Variants in MIEF1 observed in about 807,000 individuals in gnomAD.
The protein encoded by MIEF1 is mitochondrial dynamics protein MIEF1.
In MIEF1, 14 loss-of-function variants were observed where a neutral mutation model predicts 35.1. The ratio of observed to expected loss-of-function variants is 0.40; its 90% CI spans 0.26 to 0.62. The LOEUF (loss-of-function observed/expected upper bound fraction) is 0.62. Ranked by LOEUF, MIEF1 falls within the 20% of genes least tolerant of loss-of-function variation. The probability of loss-of-function intolerance (pLI) is 0.43; values close to 1 mark genes in which losing one functional copy is unlikely to be tolerated. For synonymous variants in MIEF1, 245 were observed against 254.3 expected (o/e 0.96, Z 0.35); for missense variants, 542 against 615.4 (o/e 0.88, Z 1.26).
chr22:39,511,267 G>A (rs770756336), intron 2 of MIEF1, 21 bp from the exon 3 acceptor site: 16 of 1,612,992 alleles, frequency 9.9e-6, no homozygotes, highest in African/African-American at 6.7e-5. Flanking sequence ...ACTTATGGCC[G>A]TGTTCTGTCT....
At position 39,515,127 on chromosome 22, in the gene MIEF1, C is replaced by T. The variant is rs926514713; in HGVS notation, c.*804C>T. 6.4e-6 allele frequency: 4 copies of T among 628,662 alleles called. No homozygotes were observed. The highest frequency in any genetic ancestry group is 1.2e-5 in the Non-Finnish European group (4 of 342,802). The allele number at this position is 628,662 out of a possible 1,614,324, so 38.9% of individuals were successfully genotyped here. On this transcript the variant is annotated 3_prime_UTR_variant, in exon 6 of 6. Coordinates refer to ENST00000325301, the MANE Select transcript of MIEF1 (RefSeq NM_019008.6). ...TGTGTGCCCAGTGTCTGCTCGTCAT[C>T]TGTGGCTGCAGGGGTCAGACAGACA...
Position 39,514,042 on chromosome 22 carries a change from T to C in MIEF1, c.1111T>C (p.Cys371Arg), listed in dbSNP as rs769902754. 3.1e-6 allele frequency: 5 copies of C among 1,613,910 alleles called. No individual in the cohort carries two copies. Among genetic ancestry groups the C allele is most frequent in the Non-Finnish European group, 4.2e-6 (5 of 1,180,038 alleles). ...GTGCCTCAAGATCCTCAAGGCCATATGCAAGTCCACCCCGGCTCTGGGCCA... is the reference window on the plus strand; with the variant it reads ...GTGCCTCAAGATCCTCAAGGCCATACGCAAGTCCACCCCGGCTCTGGGCCA... The part of the protein sequence containing the change: ...SLCLKILKAI[C>R]KSTPALGHLT... The change falls in exon 6 of 6, where the codon TGC becomes CGC. Residue 371 changes from cysteine to arginine, a missense_variant. Transcript: ENST00000325301.
chr22:39,509,762 T>C (rs1306210237), intron 2 of MIEF1, among the ~76,000 whole-genome samples: 1 of 152,230 alleles, frequency 6.6e-6, no homozygotes, highest in Non-Finnish European at 1.5e-5. Flanking sequence ...GGAGGGTCCA[T>C]GGAGGGACCT....
In MIEF1 at chr22:39,513,537, C is replaced by T. The variant is rs756599818; in HGVS notation, c.606C>T (p.Ile202=). Residue 202 remains isoleucine, a synonymous_variant, in exon 6 of 6, where the codon ATC becomes ATT. Transcript: ENST00000325301. ...DDLQVVTADH[I]QLIVPLVLEQ... is the part of the protein sequence containing the mutation. ...GACAGGTGGTGACAGCTGACCACATCCAACTCATTGTGCCCCTTGTGCTGG... is the reference window on the plus strand; with the variant it reads ...GACAGGTGGTGACAGCTGACCACATTCAACTCATTGTGCCCCTTGTGCTGG... 6 of 1,614,126 alleles carry T rather than the reference C, an allele frequency of 3.7e-6. No individual in the cohort carries two copies. The highest frequency in any genetic ancestry group is 1.3e-5 in the African/African-American group (1 of 75,052).
Position 39,514,129 on chromosome 22 carries a change from T to G in MIEF1, c.1198T>G (p.Ser400Ala). Reference protein sequence around the residue: ...LHLAQEEADWSPDMLADRFLQ... With the variant: ...LHLAQEEADWAPDMLADRFLQ... ...CTTGGCCCAGGAGGAGGCTGACTGG[T>G]CTCCGGATATGCTGGCCGACCGTTT... The change falls in exon 6 of 6, where the codon TCT becomes GCT. Residue 400 changes from serine to alanine, a missense_variant. Physicochemically the swap from Ser to Ala is moderately conservative, Grantham distance 99. Coordinates refer to ENST00000325301, the MANE Select transcript of MIEF1 (RefSeq NM_019008.6). 2 of 1,614,150 alleles carry G rather than the reference T, an allele frequency of 1.2e-6. No homozygotes were observed. The highest frequency in any genetic ancestry group is 1.7e-6 in the Non-Finnish European group (2 of 1,180,022).
intron 2 of MIEF1, among the ~76,000 whole-genome samples, chr22:39,510,064 T>C (rs1930255843): frequency 6.6e-6 from 1 of 152,142 alleles, no homozygotes; most frequent in Non-Finnish European, 1.5e-5. Context: ...GTTCAAGGGA[T>C]TCTCCTGTCT....
rs1308509766 is a variant in MIEF1 at position 39,513,204 on chromosome 22, A to G, written c.586-313A>G. On this transcript the variant is annotated intron_variant, in intron 5 of 5. Transcript: ENST00000325301. ...CAACCTCCGCCTCCTGGGTTCAAGCAATTCTCCTGTCTCAGCCTCCTGAGT... is the reference window on the plus strand; with the variant it reads ...CAACCTCCGCCTCCTGGGTTCAAGCGATTCTCCTGTCTCAGCCTCCTGAGT... 3.3e-5 allele frequency among the ~76,000 whole-genome samples: 5 copies of G among 150,808 alleles called. No individual in the cohort carries two copies. The East Asian group carries it at 9.8e-4, about 30-fold the overall frequency.
intron 2 of MIEF1, among the ~76,000 whole-genome samples, chr22:39,510,164 G>C (rs1432200280): frequency 2.0e-5 from 3 of 152,092 alleles, no homozygotes; most frequent in Non-Finnish European, 2.9e-5. Flanking sequence ...CTCCATGTTG[G>C]CCAGGCTTGT....
At chr22:39,507,292 T>C (rs1046040092) in intron 2 of MIEF1, among the ~76,000 whole-genome samples, 1 of 151,994 alleles carries the variant, frequency 6.6e-6, no homozygotes, top group Non-Finnish European at 1.5e-5. Flanking sequence ...TCACCCAGGC[T>C]GGAGTGCAGT....
At chr22:39,507,000 G>A (rs1357696425) in intron 2 of MIEF1, among the ~76,000 whole-genome samples, 2 of 152,194 alleles carry the variant, frequency 1.3e-5, no homozygotes, top group Non-Finnish European at 2.9e-5. Context: ...GTTCCTTCAT[G>A]ACAGTCCCGA....
intron 3 of MIEF1, 110 bp from the exon 4 acceptor site, chr22:39,511,739 C>A: frequency 7.1e-7 from 1 of 1,404,318 alleles, no homozygotes; most frequent in Non-Finnish European, 9.6e-7. Flanking sequence ...AAAATAAAAA[C>A]AAAATTACTA....
At chr22:39,502,988 A>C (rs1929826027) in intron 1 of MIEF1, 1 of 151,392 alleles carries the variant, frequency 6.6e-6, no homozygotes, top group African/African-American at 2.4e-5. Context: ...TACTTCCCCC[A>C]CTTGGTGTCA....
At position 39,516,694 on chromosome 22, in the gene MIEF1, C is replaced by G. The variant is rs763059335; in HGVS notation, c.*2371C>G. The G allele has an allele frequency of 6.6e-6, 1 of 152,018 alleles. No homozygotes were observed. The highest frequency in any genetic ancestry group is 1.5e-5 in the Non-Finnish European group (1 of 68,010). The allele number at this position is 152,018 out of a possible 1,614,324, so 9.4% of individuals were successfully genotyped here. A position where few individuals can be genotyped will look rare whatever the true frequency, so the allele number is the denominator to read the frequency against. ...CTCCAGCCTGGGTGACAGAGTGAGA[C>G]CCTATTTCAAAAAAATAAAAATTGG... On this transcript the variant is annotated 3_prime_UTR_variant, in exon 6 of 6. Transcript: ENST00000325301.
chr22:39,514,183 T>C lies in MIEF1; in HGVS notation c.1252T>C (p.Tyr418His). 6.2e-7 allele frequency: 1 copy of C among 1,614,254 alleles called. No individual in the cohort carries two copies. Among genetic ancestry groups the C allele is most frequent in the Non-Finnish European group, 8.5e-7 (1 of 1,180,044 alleles). ...GCAGGCCTTGAGGGGACTTATCAGCTACTTAGAGGCTGGAGTCCTGCCCAG... is the reference window on the plus strand; with the variant it reads ...GCAGGCCTTGAGGGGACTTATCAGCCACTTAGAGGCTGGAGTCCTGCCCAG... ...FLQALRGLIS[Y>H]LEAGVLPSAL... The change falls in exon 6 of 6, where the codon TAC (tyrosine) becomes CAC (histidine). Residue 418 changes from tyrosine to histidine, a missense_variant. Transcript: ENST00000325301.
chr22:39,501,066 G>A (rs762054587), upstream of MIEF1, among the ~76,000 whole-genome samples: 1 of 152,148 alleles, frequency 6.6e-6, no homozygotes, highest in Non-Finnish European at 1.5e-5. Context: ...AAGCCAGACA[G>A]ATCCCATTGA....
At chr22:39,504,892 TC>T (rs1359155562) in intron 2 of MIEF1, among the ~76,000 whole-genome samples, 1 of 152,150 alleles carries the variant, frequency 6.6e-6, no homozygotes, top group Non-Finnish European at 1.5e-5. Context: ...ACTGCAATTT[TC>T]TTTTTTAAGA....
At chr22:39,509,343 G>T (rs777670575) in intron 2 of MIEF1, 1 of 152,196 alleles carries the variant, frequency 6.6e-6, no homozygotes, top group Non-Finnish European at 1.5e-5. Flanking sequence ...TGAAGGACAC[G>T]GGATATTATA....
At chr22:39,504,180 T>A in intron 1 of MIEF1, 23 bp from the exon 2 acceptor site, 1 of 398,966 alleles carries the variant, frequency 2.5e-6, no homozygotes, top group East Asian at 3.6e-5. Context: ...ACTAGGCTTG[T>A]ATGTCTTTCC....
At chr22:39,505,224 G>A (rs1323476991) in intron 2 of MIEF1, among the ~76,000 whole-genome samples, 4 of 150,996 alleles carry the variant, frequency 2.6e-5, no homozygotes, top group South Asian at 2.2e-4. Context: ...TCTCGCTCTC[G>A]CCCAACCTGG....
Sources: allele counts gnomAD v4.1 joint callset (sites outside exome capture counted in the v4.1 genomes callset), GRCh38; gene constraint gnomAD v4.1.1; transcripts MANE v1.5; gene names NCBI Gene and HGNC (gene_info 2026-07-23, HGNC 2026-07-21).